Variants in PCSK2 observed in about 807,000 individuals in gnomAD.
PCSK2 encodes proprotein convertase subtilisin/kexin type 2, also known as neuroendocrine convertase 2.
PCSK2 carries 14 observed loss-of-function variants against 69.7 expected under a neutral mutation model. The ratio of observed to expected loss-of-function variants is 0.20; its 90% confidence interval spans 0.13 to 0.31. The LOEUF is 0.31. PCSK2 is among the 10% of genes least tolerant of loss of function. The probability of loss-of-function intolerance (pLI) is 1.00; values close to 1 mark genes in which losing one functional copy is unlikely to be tolerated. For synonymous variants in PCSK2, 307 were observed against 320.7 expected (o/e 0.96, Z 0.46); for missense variants, 544 against 842.5 (o/e 0.65, Z 4.39).
At chr20:17,363,768 C>T (rs1001027268) in intron 4 of PCSK2, among the ~76,000 whole-genome samples, 40 of 152,178 alleles carry the variant, frequency 2.6e-4, no homozygotes, top group African/African-American at 7.2e-4. Context: ...AAACGACGAA[C>T]ATTTATTGAG....
intron 7 of PCSK2, among the ~76,000 whole-genome samples, chr20:17,431,142 G>A (rs2032356954): frequency 6.6e-6 from 1 of 152,110 alleles, no homozygotes; most frequent in Non-Finnish European, 1.5e-5. Context: ...GGGAGTTGGG[G>A]AAGAAGACAG....
intron 5 of PCSK2, among the ~76,000 whole-genome samples, chr20:17,389,671 G>T (rs1436369385): frequency 6.6e-6 from 1 of 152,176 alleles, no homozygotes; most frequent in Non-Finnish European, 1.5e-5. Context: ...GGAGCTGTGA[G>T]GACTAGAATG....
In PCSK2 at chr20:17,450,323, C is replaced by T. The variant is rs547845327; in HGVS notation, c.886-3419C>T. Among the ~76,000 whole-genome samples the T allele has an allele frequency of 2.8e-4, 43 of 152,236 alleles. No individual in the cohort carries two copies. The South Asian group carries it at 8.1e-3, about 29-fold the overall frequency. On this transcript the variant is annotated intron_variant, in intron 8 of 11. Transcript: ENST00000262545. ...GATTACAGGCATGAGACACCGCGCC[C>T]GGCTCTTCCTAAGTATTTTATCCTT...
At position 17,250,253 on chromosome 20, in the gene PCSK2, G is replaced by T. The variant is rs146766694; in HGVS notation, c.178-9987G>T. ...TATATTTAATAGTTATGTCTCCTTA[G>T]TTTCCTCTAATTTGGAAAAGTTCTG... On this transcript the variant is annotated intron_variant, in intron 1 of 11. Coordinates refer to ENST00000262545, the MANE Select transcript of PCSK2 (RefSeq NM_002594.5). Among the ~76,000 whole-genome samples the T allele has an allele frequency of 1.6e-4, 25 of 152,216 alleles. No individual in the cohort carries two copies. In the East Asian group the frequency reaches 4.6e-3, roughly 28 times the overall value.
chr20:17,397,564 C>A (rs1019323619), intron 5 of PCSK2, among the ~76,000 whole-genome samples: 1 of 151,944 alleles, frequency 6.6e-6, no homozygotes, highest in Admixed American at 6.6e-5. Flanking sequence ...ACTGCAACCT[C>A]CACCTCCTAG....
chr20:17,449,501 A>ATGTATGT lies in PCSK2; in HGVS notation c.886-4241_886-4240insTGTATGT, dbSNP rs2032765477. Among the ~76,000 whole-genome samples, 7 of 73,018 alleles carry ATGTATGT rather than the reference A, an allele frequency of 9.6e-5. No homozygotes were observed. The South Asian group carries it at 4.1e-3, about 42-fold the overall frequency. The allele number at this position is 73,018 out of a possible 152,430, so 47.9% of individuals were successfully genotyped here. On this transcript the variant is annotated intron_variant, in intron 8 of 11. Transcript: ENST00000262545. The stretch of plus-strand genomic sequence containing the variant: ...ATTGGGATAATGTTACATATATATA[A>ATGTATGT]ATATACATATATATATGTATGTATG...
At chr20:17,379,641 C>A (rs1347607056) in intron 5 of PCSK2, among the ~76,000 whole-genome samples, 1 of 152,168 alleles carries the variant, frequency 6.6e-6, no homozygotes, top group Non-Finnish European at 1.5e-5. Context: ...AGATTTCCAC[C>A]CTCTGCTGTA....
At chr20:17,358,259 G>A (rs2030275078) in intron 2 of PCSK2, 68 bp from the exon 3 acceptor site, 3 of 1,019,088 alleles carry the variant, frequency 2.9e-6, no homozygotes, top group Non-Finnish European at 4.6e-6. Flanking sequence ...TTGGATTCAT[G>A]GAAACAAATT....
At chr20:17,360,256 G>A (rs2030344319) in intron 3 of PCSK2, among the ~76,000 whole-genome samples, 1 of 151,710 alleles carries the variant, frequency 6.6e-6, no homozygotes, top group Non-Finnish European at 1.5e-5. Context: ...TTTAAAGATA[G>A]TGATCTAGTT....
At chr20:17,432,643 G>A (rs969121007) in intron 7 of PCSK2, among the ~76,000 whole-genome samples, 16 of 152,178 alleles carry the variant, frequency 1.1e-4, no homozygotes, top group Non-Finnish European at 1.6e-4. Flanking sequence ...AATTAAGTGT[G>A]TTATTCAAAA....
At chr20:17,399,279 A>G (rs377308602) in intron 5 of PCSK2, among the ~76,000 whole-genome samples, 26 of 152,308 alleles carry the variant, frequency 1.7e-4, no homozygotes, top group East Asian at 1.4e-3. Context: ...CAAAGCCACA[A>G]ATTTTCCACA....
chr20:17,315,653 A>G (rs1045293291), intron 2 of PCSK2, among the ~76,000 whole-genome samples: 28 of 152,314 alleles, frequency 1.8e-4, no homozygotes, highest in African/African-American at 6.5e-4. Flanking sequence ...GCCTGCAGCC[A>G]GGGGCGCGCC....
chr20:17,336,338 G>A lies in PCSK2; in HGVS notation c.283-21989G>A, dbSNP rs116023239. 4.6e-3 allele frequency among the ~76,000 whole-genome samples: 705 copies of A among 152,224 alleles called. 10 individuals are homozygous for A. The highest frequency in any genetic ancestry group is 0.015 in the African/African-American group (642 of 41,542). ...TAAAAACCTAGTCACTCAAACCCAGGCTAGCAACTAGTTGAATGCCATTGA... is the reference window on the plus strand; with the variant it reads ...TAAAAACCTAGTCACTCAAACCCAGACTAGCAACTAGTTGAATGCCATTGA... On this transcript the variant is annotated intron_variant, in intron 2 of 11. Coordinates refer to ENST00000262545, the MANE Select transcript of PCSK2 (RefSeq NM_002594.5).
At chr20:17,378,903 A>G (rs1260124542) in intron 5 of PCSK2, among the ~76,000 whole-genome samples, 2 of 152,210 alleles carry the variant, frequency 1.3e-5, no homozygotes, top group African/African-American at 2.4e-5. Flanking sequence ...CTTTGTCTTC[A>G]TTATCGGTAT....
intron 1 of PCSK2, among the ~76,000 whole-genome samples, chr20:17,249,482 G>T (rs1465842630): frequency 6.8e-6 from 1 of 147,858 alleles, no homozygotes; most frequent in Non-Finnish European, 1.5e-5. Flanking sequence ...ACTCCAGACT[G>T]GGAGAGAGCG....
intron 2 of PCSK2, among the ~76,000 whole-genome samples, chr20:17,273,955 T>C (rs1003903082): frequency 6.6e-6 from 1 of 152,114 alleles, no homozygotes; most frequent in African/African-American, 2.4e-5. Context: ...ATGCCTCAGC[T>C]TGAAAATGTT....
intron 6 of PCSK2, among the ~76,000 whole-genome samples, chr20:17,429,140 A>G (rs551397955): frequency 6.6e-6 from 1 of 151,964 alleles, no homozygotes; most frequent in South Asian, 2.1e-4. Context: ...GTCTGAAAAC[A>G]CAGCCTTCTC....
intron 10 of PCSK2, among the ~76,000 whole-genome samples, chr20:17,459,995 G>C (rs577809607): frequency 6.6e-6 from 1 of 152,284 alleles, no homozygotes; most frequent in Admixed American, 6.5e-5. Flanking sequence ...ACAGAGACAA[G>C]GGTTTATTTC....
intron 11 of PCSK2, among the ~76,000 whole-genome samples, chr20:17,474,775 C>T (rs538418873): frequency 1.8e-4 from 28 of 152,126 alleles, no homozygotes; most frequent in African/African-American, 6.0e-4. Context: ...TCAAAGTGGT[C>T]GCCGGCCTAC....
Sources: gnomAD v4.1 joint callset for allele counts (sites outside exome capture counted in the v4.1 genomes callset) on GRCh38, gnomAD v4.1.1 for gene constraint, MANE v1.5 for transcripts, NCBI Gene and HGNC (gene_info 2026-07-23, HGNC 2026-07-21) for gene names.